The following LRP1B variants were observed in gnomAD, a reference collection of about 807,000 sequenced individuals.
LRP1B encodes low-density lipoprotein receptor-related protein 1B.
A neutral mutation model predicts 556.6 loss-of-function variants in LRP1B; 217 were observed. That is an observed-to-expected ratio of 0.39 (90% confidence interval 0.35 to 0.44). The LOEUF (loss-of-function observed/expected upper bound fraction) is 0.44, where lower values mean the gene tolerates loss of function less well. LRP1B is among the 20% of genes least tolerant of loss of function. The pLI is 1.00. For missense variants in LRP1B, 5,053 were observed against 5,620.8 expected (o/e 0.90, Z 3.23); for synonymous variants, 2,047 against 1,865.8 (o/e 1.10, Z -2.50).
Position 141,122,815 on chromosome 2 carries a change from G to A in LRP1B, c.1014-60542C>T, listed in dbSNP as rs552790633. The stretch of plus-strand genomic sequence containing the variant: ...CACATGCACATGTATGTTTATAGCG[G>A]CACTATTCACAATAGCAAAGACTTG... On this transcript the variant is annotated intron_variant, in intron 7 of 90. Transcript: ENST00000389484. Among the ~76,000 whole-genome samples, 3 of 152,192 alleles carry A rather than the reference G, an allele frequency of 2.0e-5. No homozygotes were observed. The South Asian group carries it at 6.2e-4, about 32-fold the overall frequency.
chr2:140,685,421 C>T (rs991780496), intron 41 of LRP1B, among the ~76,000 whole-genome samples: 1 of 151,958 alleles, frequency 6.6e-6, no homozygotes, highest in Non-Finnish European at 1.5e-5. Context: ...TAACATAATC[C>T]TTATTTCTAA....
intron 22 of LRP1B, among the ~76,000 whole-genome samples, chr2:140,904,289 C>G (rs1694185767): frequency 6.6e-6 from 1 of 151,962 alleles, no homozygotes; most frequent in Admixed American, 6.6e-5. Context: ...CATTATCTAC[C>G]ACTGTGTACC....
At chr2:141,334,709 G>A (rs1345464431) in intron 3 of LRP1B, among the ~76,000 whole-genome samples, 1 of 152,078 alleles carries the variant, frequency 6.6e-6, no homozygotes, top group Non-Finnish European at 1.5e-5. Flanking sequence ...CCACCACTAT[G>A]CCAGGCTAAT....
intron 3 of LRP1B, among the ~76,000 whole-genome samples, chr2:141,289,685 A>G (rs1442783919): frequency 6.6e-6 from 1 of 152,184 alleles, no homozygotes; most frequent in Non-Finnish European, 1.5e-5. Context: ...GTGCATTTGT[A>G]TATTTCTTTA....
At chr2:141,538,765 A>C (rs1474474054) in intron 2 of LRP1B, among the ~76,000 whole-genome samples, 1 of 152,006 alleles carries the variant, frequency 6.6e-6, no homozygotes, top group Non-Finnish European at 1.5e-5. Flanking sequence ...TAGCCTCCCA[A>C]GTAGCTGGGA....
intron 84 of LRP1B, among the ~76,000 whole-genome samples, chr2:140,280,105 C>T (rs1402368542): frequency 6.6e-6 from 1 of 151,738 alleles, no homozygotes; most frequent in East Asian, 1.9e-4. Context: ...AAATGAAAAA[C>T]TTAGTAATTT....
intron 3 of LRP1B, among the ~76,000 whole-genome samples, chr2:141,339,629 C>A (rs1167034828): frequency 6.6e-6 from 1 of 152,118 alleles, no homozygotes; most frequent in East Asian, 1.9e-4. Flanking sequence ...GTCAGCACTC[C>A]TTGTATATTC....
chr2:142,105,929 A>G (rs1333345553), intron 1 of LRP1B, among the ~76,000 whole-genome samples: 2 of 152,190 alleles, frequency 1.3e-5, no homozygotes, highest in Non-Finnish European at 2.9e-5. Flanking sequence ...ACTTAGGTTT[A>G]TAAACAATGA....
At chr2:141,334,545 T>C (rs2683853) in intron 3 of LRP1B, among the ~76,000 whole-genome samples, 88,292 of 152,064 alleles carry the variant, frequency 0.58, 26,572 homozygotes, top group African/African-American at 0.68. Context: ...GACTAATACA[T>C]TGAACTTCCT....
intron 41 of LRP1B, among the ~76,000 whole-genome samples, chr2:140,625,883 T>C (rs187870657): frequency 2.7e-4 from 41 of 152,274 alleles, no homozygotes; most frequent in African/African-American, 9.4e-4. Context: ...TTATTACCCA[T>C]AGGAGTTAAT....
At chr2:140,564,812 T>C (rs1294330016) in intron 43 of LRP1B, among the ~76,000 whole-genome samples, 2 of 152,132 alleles carry the variant, frequency 1.3e-5, no homozygotes, top group African/African-American at 4.8e-5. Flanking sequence ...GAGAAGCTCT[T>C]TGTTATAAAA....
At chr2:140,867,910 C>G (rs1335273873) in intron 26 of LRP1B, 76 bp from the exon 27 acceptor site, 1 of 1,404,724 alleles carries the variant, frequency 7.1e-7, no homozygotes. Context: ...TGTAACTCAG[C>G]TAAATGACAA....
intron 15 of LRP1B, among the ~76,000 whole-genome samples, chr2:140,994,846 T>G (rs919357563): frequency 2.0e-5 from 3 of 152,060 alleles, no homozygotes; most frequent in African/African-American, 7.2e-5. Context: ...AATAACAAAA[T>G]GTTGTCTCAT....
intron 7 of LRP1B, among the ~76,000 whole-genome samples, chr2:141,091,212 G>A (rs1395289727): frequency 1.3e-5 from 2 of 152,078 alleles, no homozygotes; most frequent in Non-Finnish European, 2.9e-5. Flanking sequence ...GGATTTGTAG[G>A]CCATTTGAAG....
chr2:140,595,087 AATATATATATATATATATATATATATAT>A (rs60138085), intron 43 of LRP1B, among the ~76,000 whole-genome samples: 1,282 of 99,682 alleles, frequency 0.013, 47 homozygotes, highest in Middle Eastern at 0.049. Context: ...ATATAAATTG[AATATATATATATATATATATATATATAT>A]ATATATATAT....
At chr2:141,536,008 A>G (rs1458754317) in intron 2 of LRP1B, among the ~76,000 whole-genome samples, 1 of 152,142 alleles carries the variant, frequency 6.6e-6, no homozygotes, top group East Asian at 1.9e-4. Flanking sequence ...CACAACACAT[A>G]CAAAAATAGA....
intron 4 of LRP1B, among the ~76,000 whole-genome samples, chr2:141,252,476 G>A (rs893216680): frequency 1.3e-4 from 20 of 152,114 alleles, no homozygotes; most frequent in Admixed American, 1.0e-3. Flanking sequence ...AATGCTTTTG[G>A]TGATAGAAAA....
chr2:141,374,764 C>T lies in LRP1B; in HGVS notation c.343+105632G>A, dbSNP rs189156487. 7.2e-5 allele frequency among the ~76,000 whole-genome samples: 11 copies of T among 152,180 alleles called. No homozygotes were observed. The East Asian group carries it at 2.1e-3, about 29-fold the overall frequency. On this transcript the variant is annotated intron_variant, in intron 3 of 90. Transcript: ENST00000389484. ...CCTTGGTAAACTTTTCATTCATATC[C>T]TGAATTGATTTTCTGATTTCTTTGT... is the stretch of plus-strand genomic sequence containing the variant.
intron 66 of LRP1B, among the ~76,000 whole-genome samples, chr2:140,426,767 C>T (rs1190800391): frequency 6.6e-6 from 1 of 152,302 alleles, no homozygotes; most frequent in Admixed American, 6.5e-5. Context: ...TCACACAAAG[C>T]CTGTTTGGTG....
Sources: gnomAD v4.1 joint callset for allele counts (sites outside exome capture counted in the v4.1 genomes callset) on GRCh38, gnomAD v4.1.1 for gene constraint, MANE v1.5 for transcripts, NCBI Gene and HGNC (gene_info 2026-07-23, HGNC 2026-07-21) for gene names.